The following ATXN2 variants were observed in gnomAD, a reference collection of about 807,000 sequenced individuals.
ATXN2 encodes the protein ataxin-2.
Under a neutral mutation model 138.6 loss-of-function variants are expected in ATXN2, and 37 were observed. That is an observed-to-expected ratio of 0.27 (90% CI 0.21 to 0.35). The LOEUF is 0.35. Ranked by LOEUF, ATXN2 falls within the 10% of genes least tolerant of loss-of-function variation. The pLI, the probability that ATXN2 is intolerant of heterozygous loss-of-function variation, is 1.00. For missense variants in ATXN2, 1,216 were observed against 1,480.3 expected (o/e 0.82, Z 2.93); for synonymous variants, 549 against 543.7 (o/e 1.01, Z -0.13).
chr12:111,566,836 C>T (rs1883039640), intron 1 of ATXN2, among the ~76,000 whole-genome samples: 2 of 152,192 alleles, frequency 1.3e-5, no homozygotes, highest in East Asian at 3.9e-4. Flanking sequence ...CGGGGTTTCA[C>T]CACGTTTGCC....
At chr12:111,464,337 G>GTGTT (rs1172872654) in intron 21 of ATXN2, among the ~76,000 whole-genome samples, 4 of 107,120 alleles carry the variant, frequency 3.7e-5, no homozygotes, top group African/African-American at 3.6e-4. Flanking sequence ...GTGTGTGTTT[G>GTGTT]TGTGTGTGTG....
At chr12:111,564,486 A>G (rs1592906176) in intron 1 of ATXN2, among the ~76,000 whole-genome samples, 2 of 74,678 alleles carry the variant, frequency 2.7e-5, no homozygotes, top group South Asian at 4.0e-4. Context: ...GGGGAAATGG[A>G]AAAAAAAAAA....
chr12:111,597,331 A>G (rs1884987599), intron 1 of ATXN2, among the ~76,000 whole-genome samples: 1 of 152,214 alleles, frequency 6.6e-6, no homozygotes, highest in Non-Finnish European at 1.5e-5. Flanking sequence ...CGGGTGAATG[A>G]AAAATCCTCT....
At chr12:111,590,783 T>C (rs1288783360) in intron 1 of ATXN2, among the ~76,000 whole-genome samples, 1 of 152,258 alleles carries the variant, frequency 6.6e-6, no homozygotes, top group Non-Finnish European at 1.5e-5. Context: ...AGGTGCAGCA[T>C]TAGGTTCTTA....
chr12:111,463,569 G>A (rs771181530), intron 21 of ATXN2, among the ~76,000 whole-genome samples: 4 of 152,120 alleles, frequency 2.6e-5, no homozygotes, highest in East Asian at 1.9e-4. Flanking sequence ...GAGCCACCAC[G>A]TCCGGCCCTT....
chr12:111,473,210 G>A (rs867758494), intron 18 of ATXN2, among the ~76,000 whole-genome samples: 18 of 151,582 alleles, frequency 1.2e-4, no homozygotes, highest in African/African-American at 3.6e-4. Context: ...GGAAGTTGAG[G>A]CTGCAGTATG....
chr12:111,598,957 C>CTGCTGCTGT lies in ATXN2; in HGVS notation c.77_78insACAGCAGCA (p.Gln26_Gln28dup), dbSNP rs1566090906. ...TGGCAGCCGCGGGCGGCGGCTGCTG[C>CTGCTGCTGT]TGCTGCTGCTGCTGCTGCTGTTGCT... On this transcript the variant is annotated inframe_insertion, in exon 1 of 25. Coordinates refer to ENST00000673436, the MANE Select transcript of ATXN2 (RefSeq NM_001372574.1). The surrounding 1 kb of genome is among the most constrained non-coding windows in gnomAD (Gnocchi z 4.5). 4 of 1,480,344 alleles carry CTGCTGCTGT rather than the reference C, an allele frequency of 2.7e-6. No homozygotes were observed. The highest frequency in any genetic ancestry group is 2.7e-5 in the East Asian group (1 of 36,370). 91.7% of individuals were successfully genotyped at this position (1,480,344 alleles called of 1,614,324 possible).
intron 1 of ATXN2, among the ~76,000 whole-genome samples, chr12:111,580,245 C>G (rs186544385): frequency 2.1e-4 from 32 of 152,104 alleles, no homozygotes; most frequent in African/African-American, 7.7e-4. Flanking sequence ...CTTTGGGAGG[C>G]CAAGGCAAGA....
rs183898489 is a variant in ATXN2 at position 111,578,178 on chromosome 12, T to C, written c.251+20606A>G. Among the ~76,000 whole-genome samples the C allele has an allele frequency of 4.4e-4, 67 of 152,180 alleles. 1 individual carries two copies. The highest frequency in any genetic ancestry group is 3.4e-3 in the Middle Eastern group (1 of 292). ...CGCCACTACACTCCAGCCTGGGCGA[T>C]AGAGCGAGACTCCATCTCAAAAAAC... is the stretch of plus-strand genomic sequence containing the variant. On this transcript the variant is annotated intron_variant, in intron 1 of 24. Coordinates refer to ENST00000673436, the MANE Select transcript of ATXN2 (RefSeq NM_001372574.1).
chr12:111,455,042 T>TA (rs1874966033), intron 23 of ATXN2: 1 of 702,978 alleles, frequency 1.4e-6, no homozygotes, highest in South Asian at 1.5e-5. Context: ...GAACTCTACT[T>TA]ACAAGGTAGC....
At chr12:111,466,178 AAAAATAAAAAAT>A (rs1300883411) in intron 20 of ATXN2, among the ~76,000 whole-genome samples, 2 of 149,002 alleles carry the variant, frequency 1.3e-5, no homozygotes, top group Admixed American at 6.7e-5. Flanking sequence ...AAATTAAAAA[AAAAATAAAAAAT>A]AAATAAAAAA....
At chr12:111,511,969 T>C (rs1879552302) in intron 11 of ATXN2, 1 of 152,182 alleles carries the variant, frequency 6.6e-6, no homozygotes, top group South Asian at 2.1e-4. Flanking sequence ...GAAGATCTTG[T>C]TTCTTTTTTC....
Position 111,516,048 on chromosome 12 carries a change from A to G in ATXN2, c.1375+106T>C. ...TAATAAACTAAAGTTAAAACACAGA[A>G]ATTATAGGTTATTAAATAATGAAGA... is the stretch of plus-strand genomic sequence containing the variant. On this transcript the variant is annotated intron_variant, in intron 10 of 24. Transcript: ENST00000673436. This position sits in a 1 kb window ranked among gnomAD's most constrained non-coding sequence, Gnocchi z 5.0. 9.2e-7 allele frequency: 1 copy of G among 1,088,902 alleles called. No homozygotes were observed. Among genetic ancestry groups the G allele is most frequent in the Non-Finnish European group, 1.3e-6 (1 of 785,054 alleles). The allele number at this position is 1,088,902 out of a possible 1,614,324, so 67.5% of individuals were successfully genotyped here.
chr12:111,518,813 G>A (rs1879997651), intron 8 of ATXN2, among the ~76,000 whole-genome samples: 1 of 151,834 alleles, frequency 6.6e-6, no homozygotes, highest in African/African-American at 2.4e-5. Context: ...TCCAATATCG[G>A]CAATGCTGAT....
chr12:111,484,887 T>C (rs969814448), intron 18 of ATXN2, among the ~76,000 whole-genome samples: 1 of 152,158 alleles, frequency 6.6e-6, no homozygotes, highest in African/African-American at 2.4e-5. Context: ...TATGCCACCA[T>C]GCCCAGCTAA....
intron 1 of ATXN2, among the ~76,000 whole-genome samples, chr12:111,586,647 A>G (rs996429081): frequency 6.6e-6 from 1 of 151,380 alleles, no homozygotes; most frequent in Non-Finnish European, 1.5e-5. Context: ...CAACCTCCCA[A>G]AGTGCTGGGA....
At chr12:111,596,791 G>T (rs1884961891) in intron 1 of ATXN2, among the ~76,000 whole-genome samples, 1 of 151,998 alleles carries the variant, frequency 6.6e-6, no homozygotes. Flanking sequence ...AAGCCTCAAG[G>T]AACAGAAAAA....
intron 18 of ATXN2, among the ~76,000 whole-genome samples, chr12:111,474,190 C>T (rs1876627862): frequency 6.6e-6 from 1 of 152,088 alleles, no homozygotes; most frequent in Non-Finnish European, 1.5e-5. Flanking sequence ...CACTGCACTC[C>T]AGCTTGGGTG....
intron 24 of ATXN2, 58 bp from the exon 25 acceptor site, chr12:111,452,898 A>C: frequency 6.6e-7 from 1 of 1,523,538 alleles, no homozygotes; most frequent in African/African-American, 1.4e-5. Context: ...ACATCAGCCT[A>C]GTGTCTCTGC....
Sources: gnomAD v4.1 joint callset for allele counts (sites outside exome capture counted in the v4.1 genomes callset) on GRCh38, gnomAD v4.1.1 for gene constraint, Gnocchi (gnomAD v3.1) non-coding constraint, MANE v1.5 for transcripts, NCBI Gene and HGNC (gene_info 2026-07-23, HGNC 2026-07-21) for gene names.